The following KLRG1 variants were observed in gnomAD, a reference collection of about 807,000 sequenced individuals.
KLRG1 encodes killer cell lectin-like receptor subfamily G member 1.
KLRG1 carries 16 observed loss-of-function variants against 21.8 expected under a neutral mutation model. The observed-to-expected ratio is 0.73, with a 90% CI of 0.50 to 1.11. KLRG1 has a LOEUF of 1.11. Among genes scored for constraint, KLRG1 ranks in the 50% most tolerant of loss-of-function variants. The probability of loss-of-function intolerance (pLI) is 0.00; values close to 1 mark genes in which losing one functional copy is unlikely to be tolerated. For synonymous variants in KLRG1, 69 were observed against 75.9 expected (o/e 0.91, Z 0.47); for missense variants, 173 against 218.3 (o/e 0.79, Z 1.31).
At chr12:9,056,293 G>A in the KLRG1 span, among the ~76,000 whole-genome samples, 3 of 152,084 alleles carry the variant, frequency 2.0e-5, no homozygotes, top group African/African-American at 4.8e-5. Flanking sequence ...GAAATATATA[G>A]ACATGGTCAA....
chr12:9,054,308 G>A, the KLRG1 span, among the ~76,000 whole-genome samples: 1 of 152,182 alleles, frequency 6.6e-6, no homozygotes, highest in South Asian at 2.1e-4. Context: ...ATATGCTGTA[G>A]AAACAGCTCA....
the KLRG1 span, among the ~76,000 whole-genome samples, chr12:9,020,526 C>CTTTT: frequency 1.3e-5 from 2 of 152,086 alleles, no homozygotes; most frequent in South Asian, 4.2e-4. Context: ...ATAGTATGTA[C>CTTTT]TTTTTTTTCT....
At chr12:9,094,946 A>G in the KLRG1 span, 1 of 1,229,972 alleles carries the variant, frequency 8.1e-7, no homozygotes, top group African/African-American at 1.5e-5. Flanking sequence ...ATATTAGGCA[A>G]TATATATTTA....
chr12:9,034,411 C>T, the KLRG1 span, among the ~76,000 whole-genome samples: 1 of 152,026 alleles, frequency 6.6e-6, no homozygotes, highest in Non-Finnish European at 1.5e-5. Flanking sequence ...ATAATATGTG[C>T]CTCTGTTATT....
chr12:9,130,450 C>T, the KLRG1 span, among the ~76,000 whole-genome samples: 5 of 151,820 alleles, frequency 3.3e-5, no homozygotes, highest in Admixed American at 6.6e-5. Context: ...CCATCCTTGC[C>T]AACACTTGTT....
the KLRG1 span, among the ~76,000 whole-genome samples, chr12:9,021,546 G>A: frequency 2.1e-4 from 32 of 150,666 alleles, no homozygotes; most frequent in African/African-American, 4.9e-4. Flanking sequence ...GCCTACAGGC[G>A]CACGCCACCA....
At chr12:8,964,753 G>A (rs1464010022) in intron 1 of KLRG1, among the ~76,000 whole-genome samples, 1 of 150,654 alleles carries the variant, frequency 6.6e-6, no homozygotes, top group African/African-American at 2.4e-5. Flanking sequence ...AGGATAGTTA[G>A]CTCTTCTTGT....
intron 1 of KLRG1, among the ~76,000 whole-genome samples, chr12:8,981,925 C>T (rs115380093): frequency 0.02 from 2,995 of 152,186 alleles, 98 homozygotes; most frequent in African/African-American, 0.067. Context: ...TAGGTGCATA[C>T]TTATTTATAG....
chr12:9,077,349 G>A, the KLRG1 span: 1 of 1,612,824 alleles, frequency 6.2e-7, no homozygotes, highest in Non-Finnish European at 8.5e-7. Context: ...TACCTACAGT[G>A]ACTGTGAGAG....
chr12:9,051,985 T>C, the KLRG1 span, among the ~76,000 whole-genome samples: 1 of 152,190 alleles, frequency 6.6e-6, no homozygotes, highest in Non-Finnish European at 1.5e-5. Context: ...AAGGTGGCAT[T>C]CTCTATTGTG....
the KLRG1 span, among the ~76,000 whole-genome samples, chr12:9,059,454 T>C: frequency 6.6e-6 from 1 of 152,346 alleles, no homozygotes; most frequent in African/African-American, 2.4e-5. Context: ...TATTCTTACA[T>C]TGGATTAAAA....
intron 1 of KLRG1, among the ~76,000 whole-genome samples, chr12:8,964,996 C>A (rs1946443147): frequency 6.6e-6 from 1 of 152,090 alleles, no homozygotes; most frequent in South Asian, 2.1e-4. Context: ...ATCCACTTTG[C>A]CAGTCTGTGT....
the KLRG1 span, chr12:9,111,423 G>T: frequency 1.0e-4 from 44 of 425,166 alleles, no homozygotes; most frequent in African/African-American, 6.6e-4. Flanking sequence ...TAGAAGCTGG[G>T]AGACCACTTT....
chr12:9,067,896 G>A, the KLRG1 span: 7 of 1,530,970 alleles, frequency 4.6e-6, no homozygotes, highest in South Asian at 2.3e-5. Context: ...TGAGCAGAGA[G>A]TATTCTTTCC....
chr12:8,992,105 C>A, intron 1 of KLRG1, 101 bp from the exon 2 acceptor site: 1 of 924,204 alleles, frequency 1.1e-6, no homozygotes, highest in Non-Finnish European at 1.7e-6. Context: ...TCAGTTCCCA[C>A]TAGGCCAAAT....
the KLRG1 span, among the ~76,000 whole-genome samples, chr12:9,203,612 A>C: frequency 1.3e-5 from 2 of 152,104 alleles, no homozygotes; most frequent in Non-Finnish European, 2.9e-5. Context: ...AAGTGCTGGG[A>C]TTACAGGCGT....
upstream of KLRG1, among the ~76,000 whole-genome samples, chr12:8,988,037 T>A (rs1190998803): frequency 6.6e-6 from 1 of 152,228 alleles, no homozygotes; most frequent in Non-Finnish European, 1.5e-5. Flanking sequence ...CTCTTGGCCC[T>A]GCAGGAACTA....
At chr12:8,953,050 C>A (rs867877509) in intron 1 of KLRG1, among the ~76,000 whole-genome samples, 3 of 65,084 alleles carry the variant, frequency 4.6e-5, no homozygotes, top group East Asian at 1.1e-3. Flanking sequence ...TAGTGACACC[C>A]CCCCCCCGCA....
intron 1 of KLRG1, among the ~76,000 whole-genome samples, chr12:8,973,723 C>T (rs951194190): frequency 6.6e-6 from 1 of 152,142 alleles, no homozygotes; most frequent in Non-Finnish European, 1.5e-5. Flanking sequence ...TATTTAATTT[C>T]CTTCATTAAT....
Sources: gnomAD v4.1 joint callset for allele counts (sites outside exome capture counted in the v4.1 genomes callset) on GRCh38, gnomAD v4.1.1 for gene constraint, MANE v1.5 for transcripts, NCBI Gene and HGNC (gene_info 2026-07-23, HGNC 2026-07-21) for gene names.